Variants in SPIDR observed in about 807,000 individuals in gnomAD.
SPIDR encodes the protein scaffold protein involved in DNA repair, also known as DNA repair-scaffolding protein.
SPIDR carries 93 observed loss-of-function variants against 104.6 expected under a neutral mutation model. The ratio of observed to expected loss-of-function variants is 0.89; its 90% CI spans 0.75 to 1.06. The LOEUF is 1.06. SPIDR is among the 50% of genes least tolerant of loss of function. The pLI is 0.00. For synonymous variants in SPIDR, 431 were observed against 416.9 expected (o/e 1.03, Z -0.41); for missense variants, 1,154 against 1,111.2 (o/e 1.04, Z -0.55).
intron 8 of SPIDR, among the ~76,000 whole-genome samples, chr8:47,501,813 G>A (rs896409262): frequency 2.4e-4 from 36 of 152,134 alleles, no homozygotes; most frequent in African/African-American, 4.1e-4. Flanking sequence ...TTTGAGATAC[G>A]TCCCATCAAT....
chr8:47,396,975 C>T (rs2061317224), intron 6 of SPIDR, among the ~76,000 whole-genome samples: 1 of 151,788 alleles, frequency 6.6e-6, no homozygotes, highest in South Asian at 2.1e-4. Context: ...GAGAGATCTG[C>T]CAGGGCAACA....
At chr8:47,523,990 C>A (rs946486154) in intron 8 of SPIDR, among the ~76,000 whole-genome samples, 1 of 152,142 alleles carries the variant, frequency 6.6e-6, no homozygotes, top group African/African-American at 2.4e-5. Context: ...CCTGAAGTGT[C>A]GGAAGGATAC....
rs552750227 is a variant in SPIDR at position 47,462,753 on chromosome 8, TAGAGAA to T, written c.1097+22213_1097+22218del. Among the ~76,000 whole-genome samples, 282 of 152,094 alleles carry T rather than the reference TAGAGAA, an allele frequency of 1.9e-3. 1 individual carries two copies. The highest frequency in any genetic ancestry group is 6.6e-3 in the African/African-American group (275 of 41,472). ...AGTGGAGATGAAAGAGTACAAACAT[TAGAGAA>T]AATCAGAGAGCATTTCTAAAGACAT... On this transcript the variant is annotated intron_variant, in intron 8 of 19. Coordinates refer to ENST00000297423, the MANE Select transcript of SPIDR (RefSeq NM_001080394.4).
intron 19 of SPIDR, among the ~76,000 whole-genome samples, chr8:47,731,254 G>GAA (rs780100344): frequency 6.1e-5 from 8 of 131,286 alleles, no homozygotes; most frequent in South Asian, 2.4e-4. Flanking sequence ...CTCCGTCTCA[G>GAA]AAAAAAAAAA....
chr8:47,302,537 C>T (rs2042291775), intron 5 of SPIDR, among the ~76,000 whole-genome samples: 1 of 152,088 alleles, frequency 6.6e-6, no homozygotes, highest in African/African-American at 2.4e-5. Context: ...TTTAGAGTTT[C>T]CAGTTTTTCT....
chr8:47,297,150 G>T (rs1362820825), intron 5 of SPIDR, among the ~76,000 whole-genome samples: 1 of 152,166 alleles, frequency 6.6e-6, no homozygotes, highest in African/African-American at 2.4e-5. Flanking sequence ...GTGAGACCAT[G>T]ACATCAGCAA....
intron 5 of SPIDR, among the ~76,000 whole-genome samples, chr8:47,372,599 C>G (rs2058165893): frequency 6.6e-6 from 1 of 151,946 alleles, no homozygotes; most frequent in African/African-American, 2.4e-5. Flanking sequence ...GCACTCCAGC[C>G]TGGGTGACAG....
intron 8 of SPIDR, among the ~76,000 whole-genome samples, chr8:47,463,108 C>T (rs1199523005): frequency 4.6e-5 from 7 of 152,012 alleles, no homozygotes; most frequent in African/African-American, 1.7e-4. Flanking sequence ...CCTGTAATCC[C>T]AGCACTTTGG....
chr8:47,515,741 T>C (rs2083022214), intron 8 of SPIDR, among the ~76,000 whole-genome samples: 1 of 152,266 alleles, frequency 6.6e-6, no homozygotes, highest in Admixed American at 6.5e-5. Flanking sequence ...TAAATGAAAT[T>C]GCTCTTCCTT....
intron 1 of SPIDR, among the ~76,000 whole-genome samples, chr8:47,275,386 A>G (rs2154217585): frequency 6.6e-6 from 1 of 152,324 alleles, no homozygotes; most frequent in East Asian, 1.9e-4. Flanking sequence ...CTGCTTATAT[A>G]TATTTAAAAA....
intron 8 of SPIDR, among the ~76,000 whole-genome samples, chr8:47,552,430 ACTTC>A (rs1295755530): frequency 6.6e-6 from 1 of 152,154 alleles, no homozygotes; most frequent in Non-Finnish European, 1.5e-5. Context: ...GTCTCTAAGT[ACTTC>A]CTTTATGAAT....
chr8:47,658,358 C>T (rs1323382311), intron 10 of SPIDR, among the ~76,000 whole-genome samples: 1 of 150,902 alleles, frequency 6.6e-6, no homozygotes. Flanking sequence ...GCAGAGGTTG[C>T]AGTGAGCCGA....
intron 5 of SPIDR, among the ~76,000 whole-genome samples, chr8:47,330,523 T>C (rs1016587643): frequency 3.9e-5 from 6 of 152,222 alleles, no homozygotes; most frequent in Non-Finnish European, 5.9e-5. Flanking sequence ...AATCATTCTC[T>C]CCACCCTAAT....
At chr8:47,345,742 A>C (rs1166442229) in intron 5 of SPIDR, among the ~76,000 whole-genome samples, 2 of 151,002 alleles carry the variant, frequency 1.3e-5, no homozygotes, top group Non-Finnish European at 2.9e-5. Flanking sequence ...ATGGGAGTTC[A>C]CTCATGATTT....
chr8:47,700,801 T>G (rs1563589146), intron 12 of SPIDR, among the ~76,000 whole-genome samples: 2 of 152,212 alleles, frequency 1.3e-5, no homozygotes, highest in African/African-American at 2.4e-5. Flanking sequence ...AGCCTTGTAC[T>G]AAAGTAAACA....
At chr8:47,415,639 C>T (rs2064150005) in intron 7 of SPIDR, among the ~76,000 whole-genome samples, 1 of 152,144 alleles carries the variant, frequency 6.6e-6, no homozygotes, top group Admixed American at 6.5e-5. Flanking sequence ...GAGGAGGATA[C>T]AGCAAGAAGA....
chr8:47,728,624 G>A (rs375473682), intron 17 of SPIDR: 22 of 257,882 alleles, frequency 8.5e-5, no homozygotes, highest in Admixed American at 7.8e-4. Flanking sequence ...TTTCTCTTCC[G>A]GGCCAGGGGG....
intron 5 of SPIDR, among the ~76,000 whole-genome samples, chr8:47,296,074 G>T (rs2040791757): frequency 6.6e-6 from 1 of 152,136 alleles, no homozygotes; most frequent in Non-Finnish European, 1.5e-5. Context: ...TTGGCCATTT[G>T]TACATCTTTT....
At chr8:47,359,252 C>CAAAAAAAAAA (rs11372277) in intron 5 of SPIDR, among the ~76,000 whole-genome samples, 1 of 114,958 alleles carries the variant, frequency 8.7e-6, no homozygotes, top group African/African-American at 3.9e-5. Context: ...GACTCCGTCT[C>CAAAAAAAAAA]AAAAAAAAAA....
Sources: allele counts gnomAD v4.1 joint callset (sites outside exome capture counted in the v4.1 genomes callset), GRCh38; gene constraint gnomAD v4.1.1; transcripts MANE v1.5; gene names NCBI Gene and HGNC (gene_info 2026-07-23, HGNC 2026-07-21).